Variants in PAH observed in about 807,000 individuals in gnomAD.
The protein encoded by PAH is phenylalanine-4-hydroxylase.
A neutral mutation model predicts 62.0 loss-of-function variants in PAH; 64 were observed. The observed-to-expected ratio is 1.03, with a 90% CI of 0.84 to 1.27. The LOEUF (loss-of-function observed/expected upper bound fraction) is 1.27, where lower values mean the gene tolerates loss of function less well. Among genes scored for constraint, PAH ranks in the 50% most tolerant of loss-of-function variants. The probability of loss-of-function intolerance (pLI) is 0.00; values close to 1 mark genes in which losing one functional copy is unlikely to be tolerated. For synonymous variants in PAH, 195 were observed against 196.2 expected, an observed-to-expected ratio of 0.99 and a Z score of 0.05; for missense variants, 579 against 542.8, an observed-to-expected ratio of 1.07 and a Z score of -0.66.
At chr12:102,882,676 A>ATATAT (rs1491411932) in intron 3 of PAH, among the ~76,000 whole-genome samples, 17 of 33,266 alleles carry the variant, frequency 5.1e-4, no homozygotes, top group African/African-American at 1.1e-3. Flanking sequence ...ATATATATAT[A>ATATAT]AAATTTTTTT....
At chr12:102,926,027 C>A (rs534151967) in intron 1 of PAH, among the ~76,000 whole-genome samples, 6 of 152,172 alleles carry the variant, frequency 3.9e-5, no homozygotes, top group African/African-American at 1.4e-4. Context: ...ATTTATTCAA[C>A]AAACGTTTGT....
At chr12:102,897,753 A>G (rs1877574894) in intron 2 of PAH, among the ~76,000 whole-genome samples, 1 of 152,170 alleles carries the variant, frequency 6.6e-6, no homozygotes, top group Admixed American at 6.5e-5. Flanking sequence ...CTGGATTACT[A>G]TGGCATCTGC....
At chr12:102,872,227 T>C (rs943968858) in intron 4 of PAH, among the ~76,000 whole-genome samples, 4 of 152,146 alleles carry the variant, frequency 2.6e-5, no homozygotes, top group Admixed American at 6.5e-5. Flanking sequence ...ATGGCTTTAT[T>C]GTCTTATGGA....
intron 1 of PAH, chr12:102,914,428 G>C (rs1384151554): frequency 6.5e-6 from 1 of 152,862 alleles, no homozygotes; most frequent in Non-Finnish European, 1.5e-5. Context: ...ACAAGATTAA[G>C]GCTTAGAGAG....
At chr12:102,917,483 A>T (rs998097165), upstream of PAH, 24 of 356,062 alleles carry the variant, frequency 6.7e-5, no homozygotes, top group Non-Finnish European at 1.3e-4. Context: ...TCGATTAGAC[A>T]GGTTTAGGCA....
intron 11 of PAH, 96 bp from the exon 12 acceptor site, chr12:102,840,611 C>A (rs1223571826): frequency 1.2e-6 from 1 of 840,236 alleles, no homozygotes. Flanking sequence ...TTTTTAGGAA[C>A]ACGGACACCT....
At chr12:102,858,790 A>G (rs964519883) in intron 5 of PAH, among the ~76,000 whole-genome samples, 6 of 152,258 alleles carry the variant, frequency 3.9e-5, no homozygotes, top group Non-Finnish European at 8.8e-5. Flanking sequence ...ACAAAGACAC[A>G]ACATACCAGA....
intron 8 of PAH, among the ~76,000 whole-genome samples, chr12:102,847,549 A>T (rs1874906662): frequency 6.6e-6 from 1 of 152,218 alleles, no homozygotes; most frequent in Admixed American, 6.5e-5. Context: ...ATATTTATTA[A>T]GTTCATTTGA....
At chr12:102,951,850 T>A (rs1325350978), upstream of PAH, among the ~76,000 whole-genome samples, 3 of 151,962 alleles carry the variant, frequency 2.0e-5, no homozygotes. Context: ...GCCAACTATT[T>A]TATCTTTATT....
intron 2 of PAH, among the ~76,000 whole-genome samples, chr12:102,904,236 G>C (rs369807635): frequency 3.9e-4 from 59 of 152,200 alleles, no homozygotes; most frequent in African/African-American, 1.3e-3. Context: ...GTGCAACTGG[G>C]TTCTGAATCC....
At chr12:102,913,021 G>A (rs1248441508) in intron 1 of PAH, 123 bp from the exon 2 acceptor site, 2 of 701,666 alleles carry the variant, frequency 2.9e-6, no homozygotes, top group African/African-American at 3.5e-5. Flanking sequence ...AATACAATGA[G>A]CTATATATAT....
At chr12:102,918,406 C>A (rs1878465155), upstream of PAH, among the ~76,000 whole-genome samples, 1 of 151,992 alleles carries the variant, frequency 6.6e-6, no homozygotes, top group Non-Finnish European at 1.5e-5. Flanking sequence ...TTGCTGGAAG[C>A]CCATCCCTCT....
intron 7 of PAH, 100 bp downstream of exon 7, chr12:102,852,715 C>T: frequency 6.9e-7 from 1 of 1,443,158 alleles, no homozygotes. Flanking sequence ...GACAACTAGT[C>T]CTGTGGACCA....
chr12:102,913,801 C>T (rs1424615795), intron 1 of PAH: 8 of 701,960 alleles, frequency 1.1e-5, no homozygotes, highest in East Asian at 2.7e-5. Context: ...CTAGCACTTA[C>T]TACATGCATG....
chr12:102,865,563 T>C (rs554849397), intron 5 of PAH, among the ~76,000 whole-genome samples: 24 of 152,308 alleles, frequency 1.6e-4, no homozygotes, highest in Admixed American at 3.9e-4. Flanking sequence ...GACTTTTGCC[T>C]GTACCTGCTT....
intron 5 of PAH, among the ~76,000 whole-genome samples, chr12:102,857,451 C>T (rs2136652438): frequency 6.6e-6 from 1 of 152,302 alleles, no homozygotes; most frequent in South Asian, 2.1e-4. Flanking sequence ...GGCCAACATT[C>T]AAATTCAGGA....
chr12:102,842,924 A>G (rs1279224031), intron 11 of PAH, among the ~76,000 whole-genome samples: 1 of 152,132 alleles, frequency 6.6e-6, no homozygotes, highest in Non-Finnish European at 1.5e-5. Flanking sequence ...TAGGATATTC[A>G]TGTCCAGGTG....
chr12:102,844,067 A>T (rs557904744), intron 10 of PAH, among the ~76,000 whole-genome samples: 1 of 152,066 alleles, frequency 6.6e-6, no homozygotes, highest in African/African-American at 2.4e-5. Context: ...ATGTGTTTGC[A>T]TACTCACAAG....
At chr12:102,846,991 A>C (rs1744309699) in intron 8 of PAH, 40 bp from the exon 9 acceptor site, 1 of 1,576,984 alleles carries the variant, frequency 6.3e-7, no homozygotes, top group African/African-American at 1.3e-5. Context: ...TGTTCCTGTA[A>C]TTGGAACCAC....
Sources: allele counts gnomAD v4.1 joint callset (sites outside exome capture counted in the v4.1 genomes callset), GRCh38; gene constraint gnomAD v4.1.1; transcripts MANE v1.5; gene names NCBI Gene and HGNC (gene_info 2026-07-23, HGNC 2026-07-21).